CYP4Z1: variants seen among roughly 807,000 people sequenced by gnomAD.
CYP4Z1 encodes cytochrome P450 family 4 subfamily Z member 1.
In CYP4Z1, 41 loss-of-function variants were observed where a neutral mutation model predicts 54.2. The observed-to-expected ratio is 0.76, with a 90% CI of 0.59 to 0.98. The LOEUF (loss-of-function observed/expected upper bound fraction) is 0.98, where lower values mean the gene tolerates loss of function less well. CYP4Z1 is among the 50% of genes least tolerant of loss of function. The probability of loss-of-function intolerance (pLI) is 0.00; values close to 1 mark genes in which losing one functional copy is unlikely to be tolerated. For missense variants in CYP4Z1, 513 were observed against 599.0 expected (o/e 0.86, Z 1.50); for synonymous variants, 163 against 206.2 (o/e 0.79, Z 1.79).
chr1:47,062,524 A>T (rs1170733753), upstream of CYP4Z1, among the ~76,000 whole-genome samples: 2 of 152,120 alleles, frequency 1.3e-5, no homozygotes, highest in Non-Finnish European at 2.9e-5. Flanking sequence ...ACTGGCCTTT[A>T]GGTCTCCAGG....
chr1:47,087,583 GGA>G (rs1406508144), intron 6 of CYP4Z1, among the ~76,000 whole-genome samples: 1 of 152,166 alleles, frequency 6.6e-6, no homozygotes, highest in African/African-American at 2.4e-5. Flanking sequence ...ATCAGCTTAA[GGA>G]GATTTTGGGC....
chr1:47,079,876 AG>A (rs1644551068), intron 2 of CYP4Z1, among the ~76,000 whole-genome samples: 3 of 138,960 alleles, frequency 2.2e-5, no homozygotes, highest in Non-Finnish European at 3.1e-5. Context: ...AGGGAGAGAG[AG>A]AGAGAGAGAG....
At chr1:47,116,352 A>G (rs1191926027) in intron 10 of CYP4Z1, among the ~76,000 whole-genome samples, 3 of 152,192 alleles carry the variant, frequency 2.0e-5, no homozygotes, top group Non-Finnish European at 4.4e-5. Context: ...AGGGAAAATA[A>G]TGAAGTCACT....
chr1:47,057,377 T>TATATATATATATAG, the CYP4Z1 span, among the ~76,000 whole-genome samples: 1 of 120,744 alleles, frequency 8.3e-6, no homozygotes, highest in Non-Finnish European at 1.7e-5. Flanking sequence ...TATATATATA[T>TATATATATATATAG]GTATATTCTG....
chr1:47,087,977 C>A (rs1013448799), intron 6 of CYP4Z1, among the ~76,000 whole-genome samples: 8 of 152,048 alleles, frequency 5.3e-5, no homozygotes, highest in Non-Finnish European at 8.8e-5. Flanking sequence ...CTTTGGTTCT[C>A]TTTATATGCT....
At chr1:47,077,383 C>T (rs960723438) in intron 2 of CYP4Z1, among the ~76,000 whole-genome samples, 2 of 151,866 alleles carry the variant, frequency 1.3e-5, no homozygotes, top group Non-Finnish European at 2.9e-5. Flanking sequence ...TGATAATCAC[C>T]CAGCTCTCTT....
At chr1:47,116,754 CT>C in intron 11 of CYP4Z1, 22 bp downstream of exon 11, 1 of 1,565,276 alleles carries the variant, frequency 6.4e-7, no homozygotes, top group South Asian at 1.1e-5. Flanking sequence ...AGCTGGTGAA[CT>C]TGATGGAAAT....
At chr1:47,092,109 G>T (rs1246338001) in intron 6 of CYP4Z1, among the ~76,000 whole-genome samples, 1 of 151,906 alleles carries the variant, frequency 6.6e-6, no homozygotes, top group African/African-American at 2.4e-5. Flanking sequence ...CACCTCTGGG[G>T]GCACTTCCAT....
intron 7 of CYP4Z1, chr1:47,097,047 G>A (rs1385529174): frequency 6.6e-6 from 1 of 151,864 alleles, no homozygotes; most frequent in African/African-American, 2.4e-5. Flanking sequence ...CCACTTATAA[G>A]TGAGAACATG....
chr1:47,115,556 C>T lies in CYP4Z1; in HGVS notation c.1229C>T (p.Ala410Val), dbSNP rs370572165. The T allele has an allele frequency of 1.2e-6, 2 of 1,613,366 alleles. No homozygotes were observed. The highest frequency in any genetic ancestry group is 1.7e-6 in the Non-Finnish European group (2 of 1,179,744). Residue 410 changes from alanine (A) to valine (V), a missense_variant, in exon 10 of 12, where the codon GCT (alanine) becomes GTT (valine). By Grantham distance (64) the Ala-to-Val change is moderately conservative. Coordinates refer to ENST00000334194, the MANE Select transcript of CYP4Z1 (RefSeq NM_178134.3). Reference sequence around the variant, plus strand: ...ATAACTGTGTTTATCAATATTTGGGCTCTTCACCACAACCCCTATTTCTGG... The same window carrying T: ...ATAACTGTGTTTATCAATATTTGGGTTCTTCACCACAACCCCTATTTCTGG... ...AGITVFINIW[A>V]LHHNPYFWED...
intron 9 of CYP4Z1, 57 bp from the exon 10 acceptor site, chr1:47,115,472 A>G (rs1424542485): frequency 2.0e-6 from 3 of 1,519,064 alleles, no homozygotes; most frequent in Non-Finnish European, 2.7e-6. Flanking sequence ...AAAGAGAAAA[A>G]AAAAAAGACA....
chr1:47,112,473 A>T (rs1476499256), intron 9 of CYP4Z1, among the ~76,000 whole-genome samples: 1 of 151,910 alleles, frequency 6.6e-6, no homozygotes. Context: ...AGCATAGAAA[A>T]ATAAAAACTT....
chr1:47,059,120 C>T, the CYP4Z1 span, among the ~76,000 whole-genome samples: 4 of 152,078 alleles, frequency 2.6e-5, no homozygotes, highest in Admixed American at 6.5e-5. Context: ...ATTTTTGAAA[C>T]ATTGCCTGAG....
chr1:47,083,576 G>C (rs932096278), intron 4 of CYP4Z1, among the ~76,000 whole-genome samples: 3 of 152,128 alleles, frequency 2.0e-5, no homozygotes, highest in Admixed American at 6.5e-5. Flanking sequence ...TGGGTGGATG[G>C]CTTGAGCCCA....
At chr1:47,100,908 A>G (rs1399496341) in intron 8 of CYP4Z1, among the ~76,000 whole-genome samples, 9 of 152,070 alleles carry the variant, frequency 5.9e-5, no homozygotes, top group Non-Finnish European at 1.2e-4. Context: ...TTTTTGGAAG[A>G]CTTTTTGTTA....
At chr1:47,077,262 T>C (rs570191281) in intron 2 of CYP4Z1, among the ~76,000 whole-genome samples, 3 of 152,290 alleles carry the variant, frequency 2.0e-5, no homozygotes, top group Non-Finnish European at 4.4e-5. Flanking sequence ...TGGGGTTCTA[T>C]TGTTAGGTAT....
intron 8 of CYP4Z1, among the ~76,000 whole-genome samples, chr1:47,103,540 G>C (rs1447421160): frequency 7.1e-6 from 1 of 140,706 alleles, no homozygotes; most frequent in East Asian, 2.1e-4. Flanking sequence ...CTTCTTTTTA[G>C]TGTTTTTCTG....
chr1:47,056,492 A>G, the CYP4Z1 span, among the ~76,000 whole-genome samples: 1 of 152,014 alleles, frequency 6.6e-6, no homozygotes, highest in Non-Finnish European at 1.5e-5. Flanking sequence ...TTTCTGTCTC[A>G]TTGATCTGTC....
chr1:47,083,536 C>T (rs1423193034), intron 4 of CYP4Z1, among the ~76,000 whole-genome samples: 1 of 152,196 alleles, frequency 6.6e-6, no homozygotes, highest in Non-Finnish European at 1.5e-5. Flanking sequence ...TGGCTCATGC[C>T]TGTAATCCCA....
Sources: gnomAD v4.1 joint callset for allele counts (sites outside exome capture counted in the v4.1 genomes callset) on GRCh38, gnomAD v4.1.1 for gene constraint, MANE v1.5 for transcripts, NCBI Gene and HGNC (gene_info 2026-07-23, HGNC 2026-07-21) for gene names.